Variants in RYR3 observed in about 807,000 individuals in gnomAD.
RYR3 encodes the protein brain ryanodine receptor-calcium release channel.
Under a neutral mutation model 584.3 loss-of-function variants are expected in RYR3, and 207 were observed. That is an observed-to-expected ratio of 0.35 (90% CI 0.32 to 0.40). RYR3 has a LOEUF of 0.40. Ranked by LOEUF, RYR3 falls within the 10% of genes least tolerant of loss-of-function variation. The probability of loss-of-function intolerance (pLI) is 1.00; values close to 1 mark genes in which losing one functional copy is unlikely to be tolerated. For missense variants in RYR3, 5,616 were observed against 6,089.2 expected, an observed-to-expected ratio of 0.92 and a Z score of 2.59; for synonymous variants, 2,416 against 2,248.5, an observed-to-expected ratio of 1.07 and a Z score of -2.11.
intron 1 of RYR3, among the ~76,000 whole-genome samples, chr15:33,320,978 G>A (rs1968887641): frequency 6.6e-6 from 1 of 152,166 alleles, no homozygotes; most frequent in South Asian, 2.1e-4. Flanking sequence ...TTTGTGAATG[G>A]AAATGAGCCT....
At chr15:33,588,813 A>G (rs1189772175) in intron 16 of RYR3, among the ~76,000 whole-genome samples, 1 of 81,002 alleles carries the variant, frequency 1.2e-5, no homozygotes, top group Non-Finnish European at 2.4e-5. Flanking sequence ...ACAGTATTCC[A>G]TTGTGTGTGT....
intron 37 of RYR3, among the ~76,000 whole-genome samples, chr15:33,669,871 GGTGTGTGTGGTGTGTGTGTGTGT>G (rs2063732624): frequency 3.7e-5 from 1 of 27,192 alleles, no homozygotes; most frequent in African/African-American, 9.8e-5. Context: ...TGGGTGTGTG[GGTGTGTGTGGTGTGTGTGTGTGT>G]GTGTGTGTGT....
At chr15:33,727,891 T>C (rs1432357330) in intron 46 of RYR3, among the ~76,000 whole-genome samples, 1 of 152,234 alleles carries the variant, frequency 6.6e-6, no homozygotes, top group Non-Finnish European at 1.5e-5. Flanking sequence ...ATCCTGTCTT[T>C]ATTCTCCAGC....
At chr15:33,594,936 C>T (rs1402297680) in intron 16 of RYR3, among the ~76,000 whole-genome samples, 2 of 152,180 alleles carry the variant, frequency 1.3e-5, no homozygotes, top group African/African-American at 2.4e-5. Flanking sequence ...ACACCAATAA[C>T]ACATTTATAC....
chr15:33,831,268 A>G (rs866640256), intron 86 of RYR3, among the ~76,000 whole-genome samples, 177 bp downstream of exon 86: 2 of 152,276 alleles, frequency 1.3e-5, no homozygotes, highest in Non-Finnish European at 2.9e-5. Flanking sequence ...ACAAGCAGCT[A>G]TAGTTTGGGG....
chr15:33,433,589 G>GA (rs1412974432), intron 1 of RYR3, among the ~76,000 whole-genome samples: 1 of 152,192 alleles, frequency 6.6e-6, no homozygotes, highest in Non-Finnish European at 1.5e-5. Flanking sequence ...TAAAAATATA[G>GA]AAGTAGCTGA....
At chr15:33,464,245 C>T (rs2048266385) in intron 1 of RYR3, among the ~76,000 whole-genome samples, 1 of 151,514 alleles carries the variant, frequency 6.6e-6, no homozygotes, top group Admixed American at 6.6e-5. Context: ...TCAAGGAAGG[C>T]CTTTCTGACA....
chr15:33,809,512 C>G (rs1423117654), intron 70 of RYR3, among the ~76,000 whole-genome samples: 1 of 152,066 alleles, frequency 6.6e-6, no homozygotes, highest in Non-Finnish European at 1.5e-5. Flanking sequence ...CCACCTGGAC[C>G]CACCAAGTGA....
chr15:33,545,115 G>A (rs542254507), intron 8 of RYR3, among the ~76,000 whole-genome samples: 176 of 152,246 alleles, frequency 1.2e-3, no homozygotes, highest in African/African-American at 4.0e-3. Context: ...ATACATCAGG[G>A]TTTTCCTAGT....
chr15:33,773,125 C>A (rs2073719351), intron 63 of RYR3, among the ~76,000 whole-genome samples: 1 of 152,196 alleles, frequency 6.6e-6, no homozygotes, highest in Non-Finnish European at 1.5e-5. Context: ...GGGAAATGAG[C>A]AAAAGGCTCA....
intron 12 of RYR3, among the ~76,000 whole-genome samples, chr15:33,575,835 A>T (rs2339311): frequency 0.15 from 9,290 of 60,536 alleles, 400 homozygotes; most frequent in African/African-American, 0.4. Context: ...AGCTGGTTTT[A>T]AAAAAAAAAA....
chr15:33,680,126 ATAG>A (rs2064483934), intron 38 of RYR3, among the ~76,000 whole-genome samples: 1 of 152,222 alleles, frequency 6.6e-6, no homozygotes, highest in Admixed American at 6.5e-5. Context: ...AATGAGAATA[ATAG>A]TAGCTCCTAT....
At chr15:33,357,425 C>T (rs965677238) in intron 1 of RYR3, among the ~76,000 whole-genome samples, 4 of 152,138 alleles carry the variant, frequency 2.6e-5, no homozygotes, top group Non-Finnish European at 4.4e-5. Context: ...ACAAGGGTCA[C>T]CCTTTGTCAC....
chr15:33,729,166 C>A (rs2068722911), intron 47 of RYR3, 140 bp downstream of exon 47: 1 of 737,936 alleles, frequency 1.4e-6, no homozygotes, highest in East Asian at 2.7e-5. Context: ...ATAGAGGTAT[C>A]ATGAAATGGA....
intron 60 of RYR3, among the ~76,000 whole-genome samples, chr15:33,765,407 C>T (rs150689743): frequency 0.012 from 1,757 of 152,032 alleles, 44 homozygotes; most frequent in African/African-American, 0.04. Flanking sequence ...CCAAGGCAGG[C>T]GGATCATCTG....
intron 84 of RYR3, 48 bp from the exon 85 acceptor site, chr15:33,827,151 C>T (rs1306686083): frequency 2.7e-6 from 4 of 1,478,022 alleles, no homozygotes; most frequent in East Asian, 2.5e-5. Context: ...ATGCTTGGCC[C>T]CCTCGGCATG....
intron 1 of RYR3, among the ~76,000 whole-genome samples, chr15:33,468,340 T>C (rs1377829808): frequency 3.3e-5 from 5 of 152,196 alleles, no homozygotes. Flanking sequence ...GGTTGTGTTG[T>C]TGTGAAGGCT....
chr15:33,837,748 C>T lies in RYR3; in HGVS notation c.11768C>T (p.Thr3923Ile). ...ATGTTCTTGAAACTTAAAGACTTAA[C>T]CAGCTCAGACACCTTCAAAGAATAT... The part of the protein sequence containing the change: ...FDMFLKLKDL[T>I]SSDTFKEYDP... Residue 3923 changes from threonine (T) to isoleucine (I), a missense_variant, in exon 89 of 104, where the codon ACC becomes ATC. By Grantham distance (89) the Thr-to-Ile change is moderately conservative. Around this residue, in one of 9 missense-constraint regions of RYR3, gnomAD observed 258 missense variants for 297.3 expected, o/e 0.87. Coordinates refer to ENST00000634891, the MANE Select transcript of RYR3 (RefSeq NM_001036.6). The T allele has an allele frequency of 2.5e-6, 4 of 1,613,752 alleles. No homozygotes were observed. The highest frequency in any genetic ancestry group is 3.4e-6 in the Non-Finnish European group (4 of 1,179,780).
At position 33,771,815 on chromosome 15, in the gene RYR3, G is replaced by A. The variant is rs1307772738; in HGVS notation, c.8817-105G>A. ...TTCTCCTGACACAGTGTCATTGAGT[G>A]ACAGGAGTGGCAAATGTCTGCCCAG... On this transcript the variant is annotated intron_variant, in intron 62 of 103. Coordinates refer to ENST00000634891, the MANE Select transcript of RYR3 (RefSeq NM_001036.6). 3 of 729,944 alleles carry A rather than the reference G, an allele frequency of 4.1e-6. No homozygotes were observed. In the Admixed American group the frequency reaches 6.6e-5, roughly 16 times the overall value. 45.2% of individuals were successfully genotyped at this position (729,944 alleles called of 1,614,324 possible). A position where few individuals can be genotyped will look rare whatever the true frequency, so the allele number is the denominator to read the frequency against.
Sources: gnomAD v4.1 joint callset for allele counts (sites outside exome capture counted in the v4.1 genomes callset) on GRCh38, gnomAD v4.1.1 for gene constraint, gnomAD v4.1.1 regional missense constraint, MANE v1.5 for transcripts, NCBI Gene and HGNC (gene_info 2026-07-23, HGNC 2026-07-21) for gene names.